Variants in KAZN observed in about 807,000 individuals in gnomAD.
KAZN encodes the protein kazrin, periplakin interacting protein, also known as kazrin.
Under a neutral mutation model 87.4 loss-of-function variants are expected in KAZN, and 40 were observed. That is an observed-to-expected ratio of 0.46 (90% CI 0.36 to 0.60). KAZN has a LOEUF of 0.60. KAZN is among the 20% of genes least tolerant of loss of function. The probability of loss-of-function intolerance (pLI) is 0.00; values close to 1 mark genes in which losing one functional copy is unlikely to be tolerated. For synonymous variants in KAZN, 466 were observed against 458.3 expected (o/e 1.02, Z -0.22); for missense variants, 898 against 1,073.9 (o/e 0.84, Z 2.29).
intron 2 of KAZN, among the ~76,000 whole-genome samples, chr1:14,998,468 A>G (rs114664791): frequency 0.016 from 2,430 of 152,246 alleles, 65 homozygotes; most frequent in African/African-American, 0.049. Context: ...TTGCAGCCCA[A>G]ACACTCTACC....
intron 1 of KAZN, among the ~76,000 whole-genome samples, chr1:14,082,396 G>C (rs1643709819): frequency 6.6e-6 from 1 of 152,162 alleles, no homozygotes; most frequent in Non-Finnish European, 1.5e-5. Flanking sequence ...GAGCAATATT[G>C]CAAGATGTGG....
chr1:14,976,663 C>T (rs1355485333), intron 2 of KAZN, among the ~76,000 whole-genome samples: 3 of 152,198 alleles, frequency 2.0e-5, no homozygotes, highest in Non-Finnish European at 4.4e-5. Context: ...TGACCTGCGA[C>T]GAGGCCCAAC....
At chr1:14,091,663 A>G (rs889234801) in intron 1 of KAZN, among the ~76,000 whole-genome samples, 2 of 152,200 alleles carry the variant, frequency 1.3e-5, no homozygotes, top group African/African-American at 2.4e-5. Context: ...TTCTTTCTCT[A>G]TTTCAATGAT....
rs1376778140 is a variant in KAZN, at chr1:14,599,828, A to C, written c.226+605A>C. ...GGGAGTTTAAATTTCCGCAAATATAAACACCGAGAGCACTTTCCAGGGGGA... is the reference window on the plus strand; with the variant it reads ...GGGAGTTTAAATTTCCGCAAATATACACACCGAGAGCACTTTCCAGGGGGA... On this transcript the variant is annotated intron_variant, in intron 1 of 14. Coordinates refer to ENST00000376030, the MANE Select transcript of KAZN (RefSeq NM_201628.3). This position sits in a 1 kb window ranked among gnomAD's most constrained non-coding sequence, Gnocchi z 4.4. 6.6e-6 allele frequency among the ~76,000 whole-genome samples: 1 copy of C among 152,138 alleles called. No individual in the cohort carries two copies. The highest frequency in any genetic ancestry group is 1.5e-5 in the Non-Finnish European group (1 of 68,016).
chr1:14,456,154 C>T (rs1667554540), intron 2 of KAZN, among the ~76,000 whole-genome samples: 1 of 152,222 alleles, frequency 6.6e-6, no homozygotes, highest in Non-Finnish European at 1.5e-5. Flanking sequence ...GTTAGTTATC[C>T]ATTACTATGT....
At chr1:13,958,573 C>A (rs372764641) in intron 1 of KAZN, among the ~76,000 whole-genome samples, 106 of 131,904 alleles carry the variant, frequency 8.0e-4, no homozygotes, top group East Asian at 1.3e-3. Context: ...GACTCCATCT[C>A]AAAAAAAAAA....
At chr1:14,331,810 T>A (rs1656879026) in intron 2 of KAZN, among the ~76,000 whole-genome samples, 1 of 152,200 alleles carries the variant, frequency 6.6e-6, no homozygotes, top group African/African-American at 2.4e-5. Context: ...ATCATTTCCT[T>A]GCTTTTCTTC....
intron 1 of KAZN, among the ~76,000 whole-genome samples, chr1:14,775,949 G>A (rs574036449): frequency 1.3e-5 from 2 of 152,228 alleles, no homozygotes; most frequent in Non-Finnish European, 2.9e-5. Flanking sequence ...ACCATAGTGA[G>A]TGTGGTCCTG....
chr1:14,132,833 T>C (rs1054445253), intron 1 of KAZN, among the ~76,000 whole-genome samples: 10 of 152,092 alleles, frequency 6.6e-5, no homozygotes, highest in Non-Finnish European at 1.5e-4. Flanking sequence ...AGAGAACCCA[T>C]GCTTGGGTTC....
chr1:14,330,072 C>T (rs2100867389), intron 2 of KAZN, among the ~76,000 whole-genome samples: 1 of 152,274 alleles, frequency 6.6e-6, no homozygotes, highest in East Asian at 1.9e-4. Context: ...TGTGTGGGTT[C>T]TCTCTGAATC....
rs117838229 is a variant in KAZN at position 15,022,655 on chromosome 1, T to C, written c.419-12094T>C. ...GTGATCAGTTGCCAATGTGGAAACA[T>C]TGGGAGACATTTAAGGCATGGGAAG... On this transcript the variant is annotated intron_variant, in intron 2 of 14. Coordinates refer to ENST00000376030, the MANE Select transcript of KAZN (RefSeq NM_201628.3). 9.2e-5 allele frequency among the ~76,000 whole-genome samples: 14 copies of C among 152,230 alleles called. No individual in the cohort carries two copies. The East Asian group carries it at 1.6e-3, about 17-fold the overall frequency.
chr1:14,126,643 A>AT (rs932337626), intron 1 of KAZN, among the ~76,000 whole-genome samples: 7 of 151,776 alleles, frequency 4.6e-5, no homozygotes, highest in African/African-American at 1.7e-4. Flanking sequence ...TAATAAAAAA[A>AT]AATAAGGACA....
chr1:14,185,257 T>G (rs1270898820), intron 2 of KAZN, among the ~76,000 whole-genome samples: 2 of 152,156 alleles, frequency 1.3e-5, no homozygotes, highest in Non-Finnish European at 2.9e-5. Flanking sequence ...GGGAAGAAAC[T>G]CTGACATTAG....
chr1:14,116,677 G>A (rs12096237), intron 1 of KAZN, among the ~76,000 whole-genome samples: 12,750 of 152,216 alleles, frequency 0.084, 1,037 homozygotes, highest in African/African-American at 0.21. Flanking sequence ...TGTGAGAAGA[G>A]GGCCACTGTC....
intron 1 of KAZN, among the ~76,000 whole-genome samples, chr1:14,700,391 A>G (rs1345752368): frequency 6.6e-6 from 1 of 151,972 alleles, no homozygotes; most frequent in Admixed American, 6.6e-5. Context: ...GAATCGCTTG[A>G]ACCCGGGAGG....
Position 14,996,411 on chromosome 1 carries a change from A to G in KAZN, c.418+35536A>G, listed in dbSNP as rs1667864995. 6.6e-6 allele frequency among the ~76,000 whole-genome samples: 1 copy of G among 152,092 alleles called. No individual in the cohort carries two copies. The highest frequency in any genetic ancestry group is 1.5e-5 in the Non-Finnish European group (1 of 68,012). On this transcript the variant is annotated intron_variant, in intron 2 of 14. Transcript: ENST00000376030. The surrounding 1 kb of genome is among the most constrained non-coding windows in gnomAD (Gnocchi z 5.9). The stretch of plus-strand genomic sequence containing the variant: ...CATCATGGGGGCCTCAGAGGCAGGG[A>G]CTGTGACTTAGTCATCACTGTATCA...
intron 2 of KAZN, among the ~76,000 whole-genome samples, chr1:14,536,614 G>A (rs1447527760): frequency 6.6e-6 from 1 of 152,132 alleles, no homozygotes; most frequent in Non-Finnish European, 1.5e-5. Flanking sequence ...GCGTGTGGTG[G>A]CTCACGCCTG....
At chr1:15,014,497 G>C (rs1669885424) in intron 2 of KAZN, among the ~76,000 whole-genome samples, 1 of 152,040 alleles carries the variant, frequency 6.6e-6, no homozygotes, top group Non-Finnish European at 1.5e-5. Context: ...CAGACCTAGT[G>C]GTCCCCAGAT....
Position 14,350,036 on chromosome 1 carries a change from G to A in KAZN, c.249+169444G>A, listed in dbSNP as rs143726331. 3.8e-4 allele frequency among the ~76,000 whole-genome samples: 57 copies of A among 150,848 alleles called. No individual in the cohort carries two copies. The South Asian group carries it at 9.9e-3, about 26-fold the overall frequency. On this transcript the variant is annotated intron_variant, in intron 2 of 16. Transcript: ENST00000636203. ...CTGTAGTCCCAGCTACTCGGGAGGC[G>A]TGAACCTGGGAGGCGTGAACCTGGG...
Sources: gnomAD v4.1 joint callset for allele counts (sites outside exome capture counted in the v4.1 genomes callset) on GRCh38, gnomAD v4.1.1 for gene constraint, Gnocchi (gnomAD v3.1) non-coding constraint, MANE v1.5 for transcripts, NCBI Gene and HGNC (gene_info 2026-07-23, HGNC 2026-07-21) for gene names.